The following NKAIN3 variants were observed in gnomAD, a reference collection of about 807,000 sequenced individuals.
NKAIN3 encodes the protein sodium/potassium-transporting ATPase subunit beta-1-interacting protein 3.
Under a neutral mutation model 30.2 loss-of-function variants are expected in NKAIN3, and 25 were observed. The ratio of observed to expected loss-of-function variants is 0.83; its 90% CI spans 0.60 to 1.16. The LOEUF (loss-of-function observed/expected upper bound fraction) is 1.16. Ranked by LOEUF, NKAIN3 falls within the 50% of genes most tolerant of loss-of-function variation. The probability of loss-of-function intolerance (pLI) is 0.00; values close to 1 mark genes in which losing one functional copy is unlikely to be tolerated. For synonymous variants in NKAIN3, 91 were observed against 89.6 expected, an observed-to-expected ratio of 1.02 and a Z score of -0.09; for missense variants, 225 against 254.1, an observed-to-expected ratio of 0.89 and a Z score of 0.78.
chr8:62,431,658 T>G (rs2129597529), intron 1 of NKAIN3, among the ~76,000 whole-genome samples: 1 of 151,954 alleles, frequency 6.6e-6, no homozygotes, highest in Middle Eastern at 3.4e-3. Context: ...AAAGCGTTAT[T>G]GCTGTAGCAA....
At chr8:62,317,073 T>C (rs984804732) in intron 1 of NKAIN3, among the ~76,000 whole-genome samples, 2 of 152,208 alleles carry the variant, frequency 1.3e-5, no homozygotes, top group African/African-American at 2.4e-5. Flanking sequence ...ATAAATGTCT[T>C]CTTTTGAGAA....
intron 1 of NKAIN3, among the ~76,000 whole-genome samples, chr8:62,402,475 T>C (rs780010812): frequency 1.3e-5 from 2 of 152,180 alleles, no homozygotes; most frequent in Admixed American, 6.5e-5. Context: ...CCCCACATGT[T>C]GTGGGAGGGA....
intron 1 of NKAIN3, among the ~76,000 whole-genome samples, chr8:62,444,432 C>A (rs1450696134): frequency 6.6e-6 from 1 of 152,118 alleles, no homozygotes; most frequent in South Asian, 2.1e-4. Context: ...TACTCTCTAT[C>A]TCCATGAAAT....
At chr8:62,294,247 A>G (rs1813754298) in intron 1 of NKAIN3, among the ~76,000 whole-genome samples, 1 of 152,146 alleles carries the variant, frequency 6.6e-6, no homozygotes, top group South Asian at 2.1e-4. Context: ...CCCCAGTGAG[A>G]TGAACCCAGT....
intron 4 of NKAIN3, among the ~76,000 whole-genome samples, chr8:62,861,474 T>A (rs536941169): frequency 2.9e-4 from 44 of 152,318 alleles, no homozygotes; most frequent in African/African-American, 9.4e-4. Context: ...TCACTTGAAA[T>A]CACTGAAAGC....
chr8:62,363,184 A>C (rs1816620158), intron 1 of NKAIN3, among the ~76,000 whole-genome samples: 1 of 152,214 alleles, frequency 6.6e-6, no homozygotes, highest in Admixed American at 6.5e-5. Flanking sequence ...TGCTGCAGTC[A>C]ATAGAAGTTT....
chr8:62,966,325 G>T lies in NKAIN3; in HGVS notation c.*918G>T, dbSNP rs1823712333. ...AGACATTCACGTGTGAGCAACATCA[G>T]CTTTTCTTTCTCCTACCCCTTCCCA... On this transcript the variant is annotated 3_prime_UTR_variant, in exon 7 of 7. Transcript: ENST00000623646. 4 of 984,386 alleles carry T rather than the reference G, an allele frequency of 4.1e-6. No homozygotes were observed. The South Asian group carries it at 1.9e-4, about 46-fold the overall frequency. 61.0% of individuals were successfully genotyped at this position (984,386 alleles called of 1,614,324 possible).
At chr8:62,727,800 T>C (rs12541834) in intron 3 of NKAIN3, among the ~76,000 whole-genome samples, 82,936 of 152,040 alleles carry the variant, frequency 0.55, 26,384 homozygotes, top group Non-Finnish European at 0.73. Flanking sequence ...AAAATCTTAA[T>C]TGAAATCCAA....
intron 4 of NKAIN3, among the ~76,000 whole-genome samples, chr8:62,818,274 A>G (rs913253073): frequency 6.6e-6 from 1 of 152,186 alleles, no homozygotes; most frequent in East Asian, 1.9e-4. Context: ...GATTCAATGT[A>G]CTATGTTTGC....
At chr8:62,628,928 A>G (rs1811868048) in intron 3 of NKAIN3, among the ~76,000 whole-genome samples, 1 of 152,204 alleles carries the variant, frequency 6.6e-6, no homozygotes, top group Admixed American at 6.5e-5. Flanking sequence ...GCTGCAATGT[A>G]GTCATCCTTG....
At chr8:62,756,568 C>G (rs1816458508) in intron 4 of NKAIN3, among the ~76,000 whole-genome samples, 1 of 152,142 alleles carries the variant, frequency 6.6e-6, no homozygotes, top group Non-Finnish European at 1.5e-5. Flanking sequence ...AGGCAATCCA[C>G]TGTATATTTT....
chr8:62,639,289 A>T (rs1363417025), intron 3 of NKAIN3, among the ~76,000 whole-genome samples: 2 of 152,174 alleles, frequency 1.3e-5, no homozygotes, highest in African/African-American at 2.4e-5. Flanking sequence ...TAATTCCAGA[A>T]GAGAGGTGGC....
At chr8:62,856,415 C>A (rs1281811700) in intron 4 of NKAIN3, 9 of 796,558 alleles carry the variant, frequency 1.1e-5, no homozygotes, top group Non-Finnish European at 2.1e-5. Flanking sequence ...CTGAGGTCCT[C>A]ATCCTCTGCT....
At chr8:62,624,354 T>C (rs1203489256) in intron 3 of NKAIN3, among the ~76,000 whole-genome samples, 1 of 151,982 alleles carries the variant, frequency 6.6e-6, no homozygotes, top group Non-Finnish European at 1.5e-5. Flanking sequence ...GTTCAAACAC[T>C]TCTGAAAATT....
intron 1 of NKAIN3, among the ~76,000 whole-genome samples, chr8:62,495,623 A>G (rs1446893111): frequency 2.6e-5 from 4 of 151,500 alleles, no homozygotes; most frequent in African/African-American, 9.7e-5. Context: ...AAAAATAAAG[A>G]TGTTTAATAA....
chr8:62,816,580 GCT>G (rs1818688483), intron 4 of NKAIN3, among the ~76,000 whole-genome samples: 1 of 152,102 alleles, frequency 6.6e-6, no homozygotes, highest in South Asian at 2.1e-4. Flanking sequence ...AGCTCCTTCT[GCT>G]CTGGGGGAAG....
At chr8:62,355,912 A>G (rs1563362772) in intron 1 of NKAIN3, among the ~76,000 whole-genome samples, 2 of 152,186 alleles carry the variant, frequency 1.3e-5, no homozygotes, top group African/African-American at 4.8e-5. Context: ...CTTTGTTTTT[A>G]CATCTGTGTT....
intron 4 of NKAIN3, among the ~76,000 whole-genome samples, chr8:62,917,943 C>G (rs1194494611): frequency 6.6e-6 from 1 of 152,164 alleles, no homozygotes; most frequent in Non-Finnish European, 1.5e-5. Context: ...AACGTGTTTT[C>G]TTGTGGTTTG....
chr8:62,652,737 C>G (rs1812661718), intron 3 of NKAIN3, among the ~76,000 whole-genome samples: 1 of 152,164 alleles, frequency 6.6e-6, no homozygotes, highest in Admixed American at 6.5e-5. Flanking sequence ...TGTGCCAGAG[C>G]TCTTCTAAGC....
Sources: allele counts gnomAD v4.1 joint callset (sites outside exome capture counted in the v4.1 genomes callset), GRCh38; gene constraint gnomAD v4.1.1; transcripts MANE v1.5; gene names NCBI Gene and HGNC (gene_info 2026-07-23, HGNC 2026-07-21).